DPP10: variants seen among roughly 807,000 people sequenced by gnomAD.
The protein encoded by DPP10 is dipeptidyl peptidase like 10.
In DPP10, 33 loss-of-function variants were observed where a neutral mutation model predicts 120.9. That is an observed-to-expected ratio of 0.27 (90% CI 0.21 to 0.37). The LOEUF (loss-of-function observed/expected upper bound fraction) is 0.37, where lower values mean the gene tolerates loss of function less well. DPP10 is among the 10% of genes least tolerant of loss of function. The pLI is 1.00. For missense variants in DPP10, 816 were observed against 942.8 expected (o/e 0.87, Z 1.76); for synonymous variants, 337 against 326.1 (o/e 1.03, Z -0.36).
At chr2:115,168,597 CCTAT>C (rs766448674) in intron 1 of DPP10, among the ~76,000 whole-genome samples, 1 of 152,188 alleles carries the variant, frequency 6.6e-6, no homozygotes, top group Non-Finnish European at 1.5e-5. Context: ...TTTATTTGTC[CCTAT>C]CTAATAGCAC....
Position 115,781,011 on chromosome 2 carries a change from A to C in DPP10, c.1483+16A>C. On this transcript the variant is annotated intron_variant, in intron 16 of 25. Coordinates refer to ENST00000410059, the MANE Select transcript of DPP10 (RefSeq NM_020868.6). ...TTCTGTGAAGGTAAGATAATACATG[A>C]ATTCTGATATAATATATTTTATTCA... The C allele has an allele frequency of 1.9e-6, 3 of 1,552,020 alleles. No homozygotes were observed. Among genetic ancestry groups the C allele is most frequent in the Non-Finnish European group, 2.6e-6 (3 of 1,137,178 alleles).
chr2:115,144,341 G>C (rs2051099783), intron 1 of DPP10: 3 of 152,112 alleles, frequency 2.0e-5, no homozygotes, highest in African/African-American at 7.2e-5. Context: ...CCATTCTCAT[G>C]CAGAGACACT....
intron 1 of DPP10, among the ~76,000 whole-genome samples, chr2:115,268,494 A>C (rs1233570155): frequency 1.5e-4 from 23 of 152,206 alleles, no homozygotes; most frequent in Admixed American, 1.5e-3. Context: ...ATTTCTTTCA[A>C]CAAATTATTT....
chr2:114,999,660 T>A (rs1038114761), intron 1 of DPP10, among the ~76,000 whole-genome samples: 4 of 152,130 alleles, frequency 2.6e-5, no homozygotes, highest in African/African-American at 9.7e-5. Context: ...GAGACACCCT[T>A]GTCTGTCATC....
intron 1 of DPP10, among the ~76,000 whole-genome samples, chr2:115,242,871 A>G (rs1441303592): frequency 2.0e-5 from 3 of 152,162 alleles, no homozygotes; most frequent in Non-Finnish European, 4.4e-5. Flanking sequence ...AAACATAAGC[A>G]AAGCTATATA....
chr2:114,659,164 T>G (rs1268091839), intron 1 of DPP10, among the ~76,000 whole-genome samples: 1 of 152,138 alleles, frequency 6.6e-6, no homozygotes, highest in Non-Finnish European at 1.5e-5. Context: ...CTTCTTTCCT[T>G]CATAAATTAC....
chr2:115,803,157 G>T (rs144024909), intron 19 of DPP10, among the ~76,000 whole-genome samples: 1,966 of 152,248 alleles, frequency 0.013, 45 homozygotes, highest in African/African-American at 0.043. Flanking sequence ...AGTTCTTCTT[G>T]TTGAATTGAT....
At chr2:115,473,737 A>G (rs530645340) in intron 3 of DPP10, among the ~76,000 whole-genome samples, 1 of 152,336 alleles carries the variant, frequency 6.6e-6, no homozygotes, top group Non-Finnish European at 1.5e-5. Context: ...GATTTTATCA[A>G]TCTAAATTAA....
chr2:115,553,503 G>A (rs1458844396), intron 5 of DPP10, among the ~76,000 whole-genome samples: 2 of 151,866 alleles, frequency 1.3e-5, no homozygotes, highest in Admixed American at 6.6e-5. Flanking sequence ...AACCTTGAAT[G>A]AATAAATATA....
chr2:115,840,976 A>C (rs1248943960), intron 25 of DPP10, among the ~76,000 whole-genome samples, 153 bp downstream of exon 25: 1 of 151,750 alleles, frequency 6.6e-6, no homozygotes. Flanking sequence ...TCCTGATTAC[A>C]CCGAGAATGT....
Position 115,727,927 on chromosome 2 carries a change from T to C in DPP10, c.688T>C (p.Leu230=). ...EIIFNGIADW[L]YEEELLHSHI... Reference sequence around the variant, plus strand: ...AATTTTTAATGGGATTGCTGACTGGTTATATGAAGGTGAGTTGATCAGATT... The same window carrying C: ...AATTTTTAATGGGATTGCTGACTGGCTATATGAAGGTGAGTTGATCAGATT... The change falls in exon 8 of 26, where the codon TTA becomes CTA. Residue 230 remains leucine (L), a synonymous_variant. Coordinates refer to ENST00000410059, the MANE Select transcript of DPP10 (RefSeq NM_020868.6). 1.2e-6 allele frequency: 2 copies of C among 1,603,186 alleles called. No individual in the cohort carries two copies. Among genetic ancestry groups the C allele is most frequent in the Non-Finnish European group, 1.7e-6 (2 of 1,176,094 alleles).
chr2:115,121,447 G>A (rs2104738054), intron 1 of DPP10, among the ~76,000 whole-genome samples: 1 of 152,276 alleles, frequency 6.6e-6, no homozygotes, highest in East Asian at 1.9e-4. Context: ...TTGTCCTGTT[G>A]ATGGCCAGCA....
At chr2:115,269,964 G>A (rs1394883385) in intron 1 of DPP10, among the ~76,000 whole-genome samples, 2 of 151,962 alleles carry the variant, frequency 1.3e-5, no homozygotes, top group South Asian at 4.2e-4. Context: ...AGTTCCAGGG[G>A]ATTTATTTGG....
chr2:115,096,192 A>G (rs1709729616), intron 1 of DPP10, among the ~76,000 whole-genome samples: 1 of 152,186 alleles, frequency 6.6e-6, no homozygotes, highest in African/African-American at 2.4e-5. Flanking sequence ...TTCTTACAAA[A>G]TAACTCAACT....
At chr2:115,180,228 A>T (rs996145638) in intron 1 of DPP10, among the ~76,000 whole-genome samples, 2 of 152,194 alleles carry the variant, frequency 1.3e-5, no homozygotes, top group African/African-American at 4.8e-5. Flanking sequence ...AGGTACACTG[A>T]TAGAAATCAA....
intron 1 of DPP10, among the ~76,000 whole-genome samples, chr2:114,987,804 C>CT (rs59203543): frequency 7.9e-5 from 8 of 101,034 alleles, no homozygotes; most frequent in Admixed American, 1.4e-4. Context: ...TGGAGACTGT[C>CT]TTTTTTTTTT....
intron 1 of DPP10, among the ~76,000 whole-genome samples, chr2:114,581,173 CTTTTTTTTTTTTT>C (rs70937291): frequency 1.6e-3 from 125 of 77,914 alleles, no homozygotes; most frequent in Middle Eastern, 0.01. Flanking sequence ...TTTTTCTTCT[CTTTTTTTTTTTTT>C]TTTTTTTTTT....
chr2:114,666,421 A>G (rs901054766), intron 1 of DPP10, among the ~76,000 whole-genome samples: 17 of 152,238 alleles, frequency 1.1e-4, no homozygotes, highest in Admixed American at 1.3e-4. Flanking sequence ...CTTTTCACAT[A>G]GCTGAACAGC....
intron 1 of DPP10, among the ~76,000 whole-genome samples, chr2:115,107,422 C>CTTTTTT (rs59046305): frequency 1.2e-4 from 7 of 59,866 alleles, no homozygotes; most frequent in African/African-American, 1.3e-4. Flanking sequence ...TTGGTTATAG[C>CTTTTTT]TTTTTTTTTT....
Sources: gnomAD v4.1 joint callset for allele counts (sites outside exome capture counted in the v4.1 genomes callset) on GRCh38, gnomAD v4.1.1 for gene constraint, MANE v1.5 for transcripts, NCBI Gene and HGNC (gene_info 2026-07-23, HGNC 2026-07-21) for gene names.